Variants in ADGRL3 observed in about 807,000 individuals in gnomAD.
ADGRL3 encodes the protein calcium-independent alpha-latrotoxin receptor 3.
Under a neutral mutation model 153.5 loss-of-function variants are expected in ADGRL3, and 62 were observed. That is an observed-to-expected ratio of 0.40 (90% CI 0.33 to 0.50). The LOEUF (loss-of-function observed/expected upper bound fraction) is 0.50, where lower values mean the gene tolerates loss of function less well. ADGRL3 is among the 20% of genes least tolerant of loss of function. The pLI is 0.47. For synonymous variants in ADGRL3, 710 were observed against 672.5 expected (o/e 1.06, Z -0.86); for missense variants, 1,641 against 1,859.4 (o/e 0.88, Z 2.16).
At chr4:61,670,470 G>A (rs1408499686) in intron 5 of ADGRL3, among the ~76,000 whole-genome samples, 1 of 152,010 alleles carries the variant, frequency 6.6e-6, no homozygotes, top group African/African-American at 2.4e-5. Context: ...GAGATAGTGG[G>A]CTGCTAATTT....
intron 8 of ADGRL3, among the ~76,000 whole-genome samples, chr4:61,747,191 G>T (rs990350547): frequency 6.6e-6 from 1 of 151,586 alleles, no homozygotes; most frequent in Non-Finnish European, 1.5e-5. Context: ...ACCAATAACA[G>T]GCTCTGAAAT....
At chr4:61,804,677 T>C (rs574784848) in intron 8 of ADGRL3, among the ~76,000 whole-genome samples, 1 of 152,278 alleles carries the variant, frequency 6.6e-6, no homozygotes, top group South Asian at 2.1e-4. Flanking sequence ...AGATCTGCCT[T>C]CTTTAAGGTC....
chr4:61,404,907 A>G (rs1344014695), intron 2 of ADGRL3, among the ~76,000 whole-genome samples: 1 of 152,068 alleles, frequency 6.6e-6, no homozygotes, highest in Non-Finnish European at 1.5e-5. Flanking sequence ...GCAGAGGAAT[A>G]TCTAACAATG....
chr4:61,567,388 G>T (rs546286138), intron 4 of ADGRL3, among the ~76,000 whole-genome samples: 5 of 152,308 alleles, frequency 3.3e-5, no homozygotes, highest in African/African-American at 1.2e-4. Context: ...ATATCAGGAG[G>T]TGGGGCCTTT....
chr4:62,000,666 AG>A (rs1425454999), intron 21 of ADGRL3, among the ~76,000 whole-genome samples: 3 of 152,192 alleles, frequency 2.0e-5, no homozygotes, highest in African/African-American at 7.2e-5. Flanking sequence ...TTAAATGGGC[AG>A]AAGAACATAA....
chr4:61,816,483 T>C (rs1238970466), intron 9 of ADGRL3, among the ~76,000 whole-genome samples: 1 of 152,116 alleles, frequency 6.6e-6, no homozygotes, highest in Non-Finnish European at 1.5e-5. Context: ...CAAATTCAAT[T>C]TAAGAGAGCA....
At chr4:61,937,765 C>CTATA (rs977952248) in intron 15 of ADGRL3, among the ~76,000 whole-genome samples, 1 of 152,174 alleles carries the variant, frequency 6.6e-6, no homozygotes, top group African/African-American at 2.4e-5. Context: ...CCTGGTCCAT[C>CTATA]TATACATCTA....
chr4:61,875,940 C>T (rs2098472374), intron 9 of ADGRL3, among the ~76,000 whole-genome samples: 1 of 152,042 alleles, frequency 6.6e-6, no homozygotes, highest in Admixed American at 6.6e-5. Context: ...AATCCCAGCA[C>T]TTTGGGAGGC....
intron 4 of ADGRL3, among the ~76,000 whole-genome samples, chr4:61,554,360 A>AT (rs1314514906): frequency 6.6e-6 from 1 of 151,502 alleles, no homozygotes; most frequent in African/African-American, 2.4e-5. Context: ...CGTCTAGCTA[A>AT]TTTTTTTGTA....
At chr4:62,047,098 T>A (rs1731531018) in intron 25 of ADGRL3, among the ~76,000 whole-genome samples, 1 of 151,994 alleles carries the variant, frequency 6.6e-6, no homozygotes, top group African/African-American at 2.4e-5. Context: ...AGATACTACA[T>A]CTTTACATCT....
At chr4:61,921,557 G>A (rs986906649) in intron 13 of ADGRL3, among the ~76,000 whole-genome samples, 2 of 152,092 alleles carry the variant, frequency 1.3e-5, no homozygotes, top group Admixed American at 1.3e-4. Flanking sequence ...ACAGGCATGC[G>A]CCACCATGCC....
At chr4:61,644,081 G>A (rs368799528) in intron 5 of ADGRL3, among the ~76,000 whole-genome samples, 430 of 31,558 alleles carry the variant, frequency 0.014, 8 homozygotes, top group Non-Finnish European at 0.023. Context: ...TTGCGTAGAG[G>A]TGTTTGTAGT....
intron 25 of ADGRL3, among the ~76,000 whole-genome samples, chr4:62,063,284 A>G (rs1422750580): frequency 1.3e-5 from 2 of 152,096 alleles, no homozygotes; most frequent in Admixed American, 1.3e-4. Flanking sequence ...AGCTTAATCA[A>G]CATTGTAAAT....
At chr4:61,743,824 C>A (rs551088395) in intron 8 of ADGRL3, among the ~76,000 whole-genome samples, 56 of 152,282 alleles carry the variant, frequency 3.7e-4, no homozygotes, top group African/African-American at 1.3e-3. Context: ...TCTGAGGTAC[C>A]GGGTTCATCT....
intron 5 of ADGRL3, among the ~76,000 whole-genome samples, chr4:61,648,005 A>G (rs2094102614): frequency 6.6e-6 from 1 of 152,158 alleles, no homozygotes; most frequent in Non-Finnish European, 1.5e-5. Context: ...AACCACACAC[A>G]CAACATATTC....
chr4:61,273,639 C>G (rs1346682241), intron 1 of ADGRL3, among the ~76,000 whole-genome samples: 1 of 152,146 alleles, frequency 6.6e-6, no homozygotes, highest in Admixed American at 6.6e-5. Context: ...TTTTTTTACA[C>G]TTCATTCCCT....
At chr4:61,830,105 G>T (rs1218115205) in intron 9 of ADGRL3, among the ~76,000 whole-genome samples, 2 of 151,850 alleles carry the variant, frequency 1.3e-5, no homozygotes, top group African/African-American at 4.8e-5. Context: ...GACCTTCCAG[G>T]TTCAAGCAAT....
At chr4:61,320,290 C>G (rs768339227) in intron 1 of ADGRL3, among the ~76,000 whole-genome samples, 1 of 152,180 alleles carries the variant, frequency 6.6e-6, no homozygotes, top group African/African-American at 2.4e-5. Flanking sequence ...CCTAAGGATC[C>G]TTGTTAACAA....
At chr4:61,335,796 A>G (rs2095662843) in intron 1 of ADGRL3, among the ~76,000 whole-genome samples, 2 of 152,140 alleles carry the variant, frequency 1.3e-5, no homozygotes, top group South Asian at 4.1e-4. Flanking sequence ...TTAACTCCTA[A>G]ATTTCAGGGT....
Sources: gnomAD v4.1 joint callset for allele counts (sites outside exome capture counted in the v4.1 genomes callset) on GRCh38, gnomAD v4.1.1 for gene constraint, MANE v1.5 for transcripts, NCBI Gene and HGNC (gene_info 2026-07-23, HGNC 2026-07-21) for gene names.